CELF2: variants seen among roughly 807,000 people sequenced by gnomAD.
CELF2 encodes the protein CUGBP Elav-like family member 2.
A neutral mutation model predicts 62.6 loss-of-function variants in CELF2; 8 were observed. The ratio of observed to expected loss-of-function variants is 0.13; its 90% CI spans 0.07 to 0.23. The LOEUF (loss-of-function observed/expected upper bound fraction) is 0.23. Among genes scored for constraint, CELF2 ranks in the 10% least tolerant of loss-of-function variants. The pLI, the probability that CELF2 is intolerant of heterozygous loss-of-function variation, is 1.00. For missense variants in CELF2, 333 were observed against 671.0 expected (o/e 0.50, Z 5.56); for synonymous variants, 258 against 250.0 (o/e 1.03, Z -0.30).
intron 9 of CELF2, among the ~76,000 whole-genome samples, chr10:11,303,424 A>C (rs147981246): frequency 6.6e-6 from 1 of 152,242 alleles, no homozygotes; most frequent in African/African-American, 2.4e-5. Flanking sequence ...AAGATGTTGA[A>C]TCTTCATTGC....
the CELF2 span, among the ~76,000 whole-genome samples, chr10:10,570,137 T>C: frequency 2.0e-5 from 3 of 152,162 alleles, no homozygotes; most frequent in East Asian, 5.8e-4. Flanking sequence ...GTCTTGCATA[T>C]AGGGAGCTGT....
the CELF2 span, among the ~76,000 whole-genome samples, chr10:10,741,317 C>T: frequency 6.6e-6 from 1 of 151,800 alleles, no homozygotes; most frequent in African/African-American, 2.4e-5. Context: ...TCGAGACCAT[C>T]CTGGCCAACA....
chr10:10,931,323 C>T lies in CELF2; in HGVS notation c.89+11324C>T, dbSNP rs2066035957. On this transcript the variant is annotated intron_variant, in intron 2 of 13. Coordinates refer to the CELF2 transcript ENST00000636488. This position sits in a 1 kb window ranked among gnomAD's most constrained non-coding sequence, Gnocchi z 6.1. ...AGAGAAAATAAATTCCCCATTAGGC[C>T]TGACTATTCATCCTTAAACCTCTGC... is the stretch of plus-strand genomic sequence containing the variant. Among the ~76,000 whole-genome samples the T allele has an allele frequency of 6.6e-6, 1 of 152,158 alleles. No individual in the cohort carries two copies. Among genetic ancestry groups the T allele is most frequent in the South Asian group, 2.1e-4 (1 of 4,826 alleles).
intron 2 of CELF2, among the ~76,000 whole-genome samples, chr10:10,962,737 A>G (rs1434507603): frequency 6.6e-6 from 1 of 152,168 alleles, no homozygotes; most frequent in Non-Finnish European, 1.5e-5. Flanking sequence ...AAAAAATTAA[A>G]TGTCTTTTTC....
intron 1 of CELF2, among the ~76,000 whole-genome samples, chr10:11,028,123 T>C (rs1286993594): frequency 6.6e-6 from 1 of 152,230 alleles, no homozygotes; most frequent in African/African-American, 2.4e-5. Context: ...GACAACATCA[T>C]GAAGACTGAT....
chr10:10,898,621 T>C (rs2062728213), intron 1 of CELF2, among the ~76,000 whole-genome samples: 1 of 152,172 alleles, frequency 6.6e-6, no homozygotes, highest in Non-Finnish European at 1.5e-5. Flanking sequence ...ATTTTCAAAA[T>C]ACATGAAACA....
At chr10:11,089,191 G>A (rs911503800) in intron 1 of CELF2, among the ~76,000 whole-genome samples, 5 of 152,194 alleles carry the variant, frequency 3.3e-5, no homozygotes, top group Admixed American at 6.5e-5. Flanking sequence ...GCAGGGTCAC[G>A]TTGCAAAAGA....
At chr10:10,904,685 G>T (rs187804100) in intron 1 of CELF2, among the ~76,000 whole-genome samples, 1 of 152,178 alleles carries the variant, frequency 6.6e-6, no homozygotes, top group Non-Finnish European at 1.5e-5. Flanking sequence ...ATGCCCATGC[G>T]CCTGCCTCTG....
chr10:11,142,879 G>T (rs944030105), intron 1 of CELF2, among the ~76,000 whole-genome samples: 2 of 149,960 alleles, frequency 1.3e-5, no homozygotes, highest in Non-Finnish European at 3.0e-5. Flanking sequence ...CCACTGGGGG[G>T]ACTCAGTCCC....
chr10:11,140,970 C>T (rs1374266753), intron 1 of CELF2, among the ~76,000 whole-genome samples: 2 of 152,180 alleles, frequency 1.3e-5, no homozygotes, highest in Non-Finnish European at 2.9e-5. Context: ...TGAGCGTGAT[C>T]ACACCACTGC....
At chr10:11,201,600 G>A (rs2059227171) in intron 2 of CELF2, among the ~76,000 whole-genome samples, 1 of 152,224 alleles carries the variant, frequency 6.6e-6, no homozygotes, top group Admixed American at 6.5e-5. Context: ...GTTTCACCAT[G>A]AGCTCTGTTC....
chr10:11,137,851 A>T (rs1285160027), intron 1 of CELF2, among the ~76,000 whole-genome samples: 1 of 152,220 alleles, frequency 6.6e-6, no homozygotes, highest in Admixed American at 6.5e-5. Flanking sequence ...AAAATTATAG[A>T]ATTTGGAGCC....
chr10:10,745,111 C>G, the CELF2 span, among the ~76,000 whole-genome samples: 1 of 81,036 alleles, frequency 1.2e-5, no homozygotes, highest in African/African-American at 5.0e-5. Context: ...AACCATGCCA[C>G]GTAAAAAAAA....
At chr10:11,188,447 A>ATTTTCC (rs1372688539) in intron 2 of CELF2, among the ~76,000 whole-genome samples, 1 of 151,776 alleles carries the variant, frequency 6.6e-6, no homozygotes, top group Non-Finnish European at 1.5e-5. Context: ...GGTGGACAGG[A>ATTTTCC]TTTTCCTTTT....
chr10:10,975,424 G>A (rs2051216592), intron 2 of CELF2, among the ~76,000 whole-genome samples: 1 of 152,180 alleles, frequency 6.6e-6, no homozygotes, highest in African/African-American at 2.4e-5. Context: ...GTGAGCCACT[G>A]CGCCTGGCCA....
intron 1 of CELF2, among the ~76,000 whole-genome samples, chr10:10,906,717 C>CTTTTTTTTTTTTTTTTTTTTTTTT (rs397846553): frequency 9.2e-6 from 1 of 109,284 alleles, no homozygotes; most frequent in Admixed American, 1.3e-4. Flanking sequence ...TTTTTCTTTT[C>CTTTTTTTTTTTTTTTTTTTTTTTT]TTTTTTTTTT....
At chr10:11,143,646 C>T (rs1436650988) in intron 1 of CELF2, among the ~76,000 whole-genome samples, 1 of 152,218 alleles carries the variant, frequency 6.6e-6, no homozygotes, top group Non-Finnish European at 1.5e-5. Context: ...TTCAGGCCCC[C>T]ACACAGTTTA....
chr10:10,906,717 C>CTTTTTTTTTTTTTTTTTTTTT (rs397846553), intron 1 of CELF2, among the ~76,000 whole-genome samples: 1 of 109,282 alleles, frequency 9.2e-6, no homozygotes, highest in Non-Finnish European at 1.7e-5. Flanking sequence ...TTTTTCTTTT[C>CTTTTTTTTTTTTTTTTTTTTT]TTTTTTTTTT....
the CELF2 span, among the ~76,000 whole-genome samples, chr10:10,669,969 C>T: frequency 7.6e-6 from 1 of 132,258 alleles, no homozygotes; most frequent in African/African-American, 2.9e-5. Flanking sequence ...ATGGTGCAAT[C>T]TTGGCTCGCT....
Sources: allele counts gnomAD v4.1 joint callset (sites outside exome capture counted in the v4.1 genomes callset), GRCh38; gene constraint gnomAD v4.1.1; non-coding constraint Gnocchi (gnomAD v3.1); transcripts MANE v1.5; gene names NCBI Gene and HGNC (gene_info 2026-07-23, HGNC 2026-07-21).